Variants in NCAM2 observed in about 807,000 individuals in gnomAD.
NCAM2 encodes the protein neural cell adhesion molecule 2, also known as N-CAM-2.
Under a neutral mutation model 98.1 loss-of-function variants are expected in NCAM2, and 30 were observed. The ratio of observed to expected loss-of-function variants is 0.31; its 90% CI spans 0.23 to 0.41. The LOEUF is 0.41. NCAM2 is among the 10% of genes least tolerant of loss of function. NCAM2 has a pLI of 1.00. For missense variants in NCAM2, 867 were observed against 1,005.8 expected (o/e 0.86, Z 1.87); for synonymous variants, 368 against 342.4 (o/e 1.07, Z -0.83).
intron 6 of NCAM2, among the ~76,000 whole-genome samples, chr21:21,330,180 C>T (rs1312440655): frequency 1.3e-5 from 2 of 151,470 alleles, no homozygotes; most frequent in Non-Finnish European, 2.9e-5. Flanking sequence ...TATTATTTTC[C>T]TCCTGTTTAC....
At chr21:21,323,853 T>C (rs2061227227) in intron 5 of NCAM2, among the ~76,000 whole-genome samples, 1 of 152,168 alleles carries the variant, frequency 6.6e-6, no homozygotes, top group Non-Finnish European at 1.5e-5. Context: ...ACATTATGTT[T>C]TGACACCTAA....
chr21:21,390,403 A>G (rs1360165618), intron 9 of NCAM2, among the ~76,000 whole-genome samples: 1 of 152,140 alleles, frequency 6.6e-6, no homozygotes. Context: ...CGGAGGTACA[A>G]GCAGTCTTCT....
At chr21:21,197,230 A>T (rs1359669877) in intron 1 of NCAM2, among the ~76,000 whole-genome samples, 1 of 152,124 alleles carries the variant, frequency 6.6e-6, no homozygotes, top group Non-Finnish European at 1.5e-5. Flanking sequence ...CCCGGGTTCA[A>T]GCGATTTTCC....
chr21:21,053,203 G>A (rs999555318), intron 1 of NCAM2, among the ~76,000 whole-genome samples: 4 of 152,064 alleles, frequency 2.6e-5, no homozygotes, highest in Non-Finnish European at 4.4e-5. Context: ...TTTATATAAT[G>A]ATTGTGCATT....
chr21:21,334,543 A>G (rs1260077616), intron 6 of NCAM2, among the ~76,000 whole-genome samples: 3 of 152,110 alleles, frequency 2.0e-5, no homozygotes, highest in African/African-American at 7.2e-5. Context: ...CTCCATACCA[A>G]TGGACAAATT....
chr21:21,335,679 C>A lies in NCAM2; in HGVS notation c.898+14C>A, dbSNP rs769090729. On this transcript the variant is annotated intron_variant, in intron 7 of 17. Transcript: ENST00000400546. ...TCCAAGTCTTTGGTAAGTATTATAG[C>A]ATAGTGGCTAAAACTGTTATGTCTA... 2 of 1,580,512 alleles carry A rather than the reference C, an allele frequency of 1.3e-6. No individual in the cohort carries two copies. The highest frequency in any genetic ancestry group is 1.2e-5 in the South Asian group (1 of 85,644).
chr21:21,024,817 G>A (rs146516711), intron 1 of NCAM2, among the ~76,000 whole-genome samples: 1,827 of 151,974 alleles, frequency 0.012, 30 homozygotes, highest in African/African-American at 0.041. Flanking sequence ...AACCCAGGAG[G>A]CGGAGACTGC....
chr21:21,481,508 C>T (rs1196530860), intron 15 of NCAM2, among the ~76,000 whole-genome samples: 1 of 152,082 alleles, frequency 6.6e-6, no homozygotes, highest in Non-Finnish European at 1.5e-5. Context: ...TACAAGTGGG[C>T]AGAGAATTGT....
intron 1 of NCAM2, among the ~76,000 whole-genome samples, chr21:21,118,439 A>G (rs2066607823): frequency 6.6e-6 from 1 of 152,140 alleles, no homozygotes; most frequent in African/African-American, 2.4e-5. Flanking sequence ...GATGATCTGA[A>G]CTGCACTCTG....
intron 16 of NCAM2, among the ~76,000 whole-genome samples, chr21:21,517,376 A>G (rs1409025465): frequency 6.6e-6 from 1 of 152,196 alleles, no homozygotes; most frequent in African/African-American, 2.4e-5. Context: ...GGCTCATATT[A>G]ACATTAACAT....
chr21:21,099,946 TC>T (rs2066206690), intron 1 of NCAM2, among the ~76,000 whole-genome samples: 1 of 150,504 alleles, frequency 6.6e-6, no homozygotes, highest in Non-Finnish European at 1.5e-5. Context: ...TCAGCACAGA[TC>T]AAGGAATTAA....
chr21:21,265,633 A>G (rs2072238810), intron 1 of NCAM2, among the ~76,000 whole-genome samples: 1 of 151,520 alleles, frequency 6.6e-6, no homozygotes, highest in South Asian at 2.1e-4. Context: ...GCTAGAGGCC[A>G]TTATCCTATG....
At chr21:21,530,231 T>TA (rs1555912596) in intron 16 of NCAM2, among the ~76,000 whole-genome samples, 781 of 48,552 alleles carry the variant, frequency 0.016, 37 homozygotes, top group African/African-American at 0.047. Context: ...TAATTATATA[T>TA]ATTTAATTTA....
intron 8 of NCAM2, among the ~76,000 whole-genome samples, chr21:21,344,006 G>T (rs1364234767): frequency 3.9e-5 from 6 of 152,150 alleles, no homozygotes; most frequent in Non-Finnish European, 5.9e-5. Context: ...TCTGATTGAC[G>T]AGAGGAAAGG....
intron 1 of NCAM2, among the ~76,000 whole-genome samples, chr21:21,032,080 A>G (rs1412828388): frequency 6.6e-6 from 1 of 152,150 alleles, no homozygotes; most frequent in Non-Finnish European, 1.5e-5. Flanking sequence ...TGCCATCTCA[A>G]TGCAATGGTG....
intron 4 of NCAM2, among the ~76,000 whole-genome samples, chr21:21,289,779 G>C (rs1031941937): frequency 2.6e-5 from 4 of 151,756 alleles, no homozygotes; most frequent in African/African-American, 9.7e-5. Context: ...TATTCAAAGG[G>C]GGCATCATTA....
chr21:21,276,912 A>T (rs2072749451), intron 1 of NCAM2, among the ~76,000 whole-genome samples: 1 of 152,062 alleles, frequency 6.6e-6, no homozygotes, highest in Non-Finnish European at 1.5e-5. Context: ...AATTAACCAG[A>T]TGTTTAATAT....
intron 1 of NCAM2, among the ~76,000 whole-genome samples, chr21:21,229,843 A>T (rs529563765): frequency 5.3e-5 from 8 of 151,564 alleles, no homozygotes; most frequent in African/African-American, 1.9e-4. Context: ...TAGCCATCTC[A>T]GACGTATTTA....
chr21:21,415,804 G>A (rs2076983260), intron 10 of NCAM2, among the ~76,000 whole-genome samples: 1 of 152,160 alleles, frequency 6.6e-6, no homozygotes. Context: ...AGCCTTCATT[G>A]AATTGAGGCA....
Sources: gnomAD v4.1 joint callset for allele counts (sites outside exome capture counted in the v4.1 genomes callset) on GRCh38, gnomAD v4.1.1 for gene constraint, MANE v1.5 for transcripts, NCBI Gene and HGNC (gene_info 2026-07-23, HGNC 2026-07-21) for gene names.